RAB18: variants seen among roughly 807,000 people sequenced by gnomAD.
The protein encoded by RAB18 is ras-related protein Rab-18.
RAB18 carries 10 observed loss-of-function variants against 28.5 expected under a neutral mutation model. That is an observed-to-expected ratio of 0.35 (90% CI 0.22 to 0.60). The LOEUF is 0.60. Ranked by LOEUF, RAB18 falls within the 20% of genes least tolerant of loss-of-function variation. RAB18 has a pLI of 0.78. For missense variants in RAB18, 188 were observed against 244.2 expected, an observed-to-expected ratio of 0.77 and a Z score of 1.53; for synonymous variants, 93 against 86.9, an observed-to-expected ratio of 1.07 and a Z score of -0.39.
chr10:27,520,934 A>G (rs956243026), intron 2 of RAB18, among the ~76,000 whole-genome samples: 1 of 150,382 alleles, frequency 6.6e-6, no homozygotes, highest in Non-Finnish European at 1.5e-5. Context: ...AAAAAAAAAA[A>G]AAAAAAAGAA....
chr10:27,525,314 G>C (rs1191236963), intron 2 of RAB18, among the ~76,000 whole-genome samples: 2 of 152,122 alleles, frequency 1.3e-5, no homozygotes, highest in African/African-American at 4.8e-5. Flanking sequence ...TAACTGTAGA[G>C]TGTGCATGAC....
chr10:27,540,906 G>T lies in RAB18; in HGVS notation c.*2855G>T, dbSNP rs1186237929. ...GGGGCTAGCACCATAGCTCATAAAA[G>T]AATCCTTCTTACACCAGTACTTGTT... is the stretch of plus-strand genomic sequence containing the variant. On this transcript the variant is annotated 3_prime_UTR_variant, in exon 7 of 7. Coordinates refer to ENST00000356940, the MANE Select transcript of RAB18 (RefSeq NM_021252.5). 5 of 453,964 alleles carry T rather than the reference G, an allele frequency of 1.1e-5. No homozygotes were observed. Among genetic ancestry groups the T allele is most frequent in the African/African-American group, 1.0e-4 (5 of 50,010 alleles). The allele number at this position is 453,964 out of a possible 1,614,324, so 28.1% of individuals were successfully genotyped here.
At chr10:27,521,790 C>T (rs1834559175) in intron 2 of RAB18, among the ~76,000 whole-genome samples, 1 of 151,834 alleles carries the variant, frequency 6.6e-6, no homozygotes, top group South Asian at 2.1e-4. Context: ...TCGGAAATTA[C>T]CCTAAAGAAC....
chr10:27,505,208 G>T (rs1332595469), intron 1 of RAB18: 1 of 514,434 alleles, frequency 1.9e-6, no homozygotes, highest in South Asian at 1.4e-5. Context: ...ATGGATCTAG[G>T]TGGATGTTGC....
intron 2 of RAB18, among the ~76,000 whole-genome samples, chr10:27,523,271 T>C (rs1834601125): frequency 2.0e-5 from 1 of 49,824 alleles, no homozygotes; most frequent in African/African-American, 5.5e-5. Flanking sequence ...TCTTCTTTTT[T>C]TTTTTTTTTT....
At chr10:27,511,000 A>G (rs1002379095) in intron 2 of RAB18, among the ~76,000 whole-genome samples, 2 of 152,204 alleles carry the variant, frequency 1.3e-5, no homozygotes, top group Admixed American at 1.3e-4. Context: ...ATGAGAGTAG[A>G]TTGTAGACAT....
At chr10:27,511,427 A>C (rs1834320389) in intron 2 of RAB18, among the ~76,000 whole-genome samples, 1 of 151,808 alleles carries the variant, frequency 6.6e-6, no homozygotes, top group African/African-American at 2.4e-5. Flanking sequence ...GCTGGTCTTG[A>C]GCTCCTGACC....
chr10:27,538,467 A>G lies in RAB18; in HGVS notation c.*416A>G, dbSNP rs1247318338. ...ACGGGGAAGAATAGAGGTATCATCAAACGTGGCAAATTTTCTTTCAGGAAT... is the reference window on the plus strand; with the variant it reads ...ACGGGGAAGAATAGAGGTATCATCAGACGTGGCAAATTTTCTTTCAGGAAT... On this transcript the variant is annotated 3_prime_UTR_variant, in exon 7 of 7. Coordinates refer to ENST00000356940, the MANE Select transcript of RAB18 (RefSeq NM_021252.5). 4.4e-6 allele frequency: 2 copies of G among 454,862 alleles called. No homozygotes were observed. The highest frequency in any genetic ancestry group is 2.0e-5 in the African/African-American group (1 of 50,016). 28.2% of individuals were successfully genotyped at this position (454,862 alleles called of 1,614,324 possible). A position where few individuals can be genotyped will look rare whatever the true frequency, so the allele number is the denominator to read the frequency against.
In RAB18 at chr10:27,540,016, T is replaced by G. The variant is rs1204112046; in HGVS notation, c.*1965T>G. The G allele has an allele frequency of 2.2e-6, 1 of 454,000 alleles. No individual in the cohort carries two copies. The highest frequency in any genetic ancestry group is 2.3e-5 in the Admixed American group (1 of 42,564). 28.1% of individuals were successfully genotyped at this position (454,000 alleles called of 1,614,324 possible). A position where few individuals can be genotyped will look rare whatever the true frequency, so the allele number is the denominator to read the frequency against. On this transcript the variant is annotated 3_prime_UTR_variant, in exon 7 of 7. Coordinates refer to ENST00000356940, the MANE Select transcript of RAB18 (RefSeq NM_021252.5). ...AAGGTCAGGCACCTAGTAACAGGGT[T>G]TTGTTAATTCTTTTCAGAATCATTG... is the stretch of plus-strand genomic sequence containing the variant.
Position 27,535,583 on chromosome 10 carries a change from C to G in RAB18, c.445+1589C>G, listed in dbSNP as rs537535230. Among the ~76,000 whole-genome samples, 4 of 152,228 alleles carry G rather than the reference C, an allele frequency of 2.6e-5. No homozygotes were observed. In the South Asian group the frequency reaches 8.3e-4, roughly 32 times the overall value. On this transcript the variant is annotated intron_variant, in intron 6 of 6. Transcript: ENST00000356940. ...GAAAGTAGGGAAGCAGCGGTGTGAC[C>G]TGATACTCTAAAAAGATCCTGTTGT...
chr10:27,523,789 T>C (rs2132393342), intron 2 of RAB18, among the ~76,000 whole-genome samples: 1 of 152,094 alleles, frequency 6.6e-6, no homozygotes, highest in African/African-American at 2.4e-5. Flanking sequence ...ATTTTAAAAG[T>C]TTATTTTTGG....
At chr10:27,537,814 A>G in intron 6 of RAB18, 62 bp from the exon 7 acceptor site, 1 of 1,454,940 alleles carries the variant, frequency 6.9e-7, no homozygotes, top group Non-Finnish European at 9.6e-7. Context: ...GTTTCCCAGA[A>G]AAACATGAGA....
intron 6 of RAB18, among the ~76,000 whole-genome samples, chr10:27,537,066 C>T (rs530710720): frequency 4.3e-4 from 66 of 152,184 alleles, no homozygotes; most frequent in African/African-American, 1.5e-3. Context: ...TTTGGTCCTT[C>T]GGTGAATGAG....
chr10:27,535,245 A>G (rs1292845446), intron 6 of RAB18, among the ~76,000 whole-genome samples: 1 of 151,064 alleles, frequency 6.6e-6, no homozygotes, highest in Non-Finnish European at 1.5e-5. Context: ...TCCTTAAAAC[A>G]TTATGAGATT....
At chr10:27,528,533 T>A (rs911596703) in intron 3 of RAB18, among the ~76,000 whole-genome samples, 7 of 152,138 alleles carry the variant, frequency 4.6e-5, no homozygotes, top group Non-Finnish European at 8.8e-5. Context: ...CTTACATTTT[T>A]AAACCTGTTT....
chr10:27,513,147 G>T (rs984190547), intron 2 of RAB18, among the ~76,000 whole-genome samples: 22 of 151,474 alleles, frequency 1.5e-4, no homozygotes, highest in Non-Finnish European at 2.1e-4. Flanking sequence ...TGATTCTTCT[G>T]CCTCAGCCTC....
rs1170196568 is a variant in RAB18 at position 27,541,351 on chromosome 10, T to G, written c.*3300T>G. ...ATATAGAATCACCCAGGTCTTTTTT[T>G]TTTTTTTTAATTTTTCTCTCCTCAG... On this transcript the variant is annotated 3_prime_UTR_variant, in exon 7 of 7. Coordinates refer to ENST00000356940, the MANE Select transcript of RAB18 (RefSeq NM_021252.5). 4.5e-6 allele frequency: 2 copies of G among 443,960 alleles called. No individual in the cohort carries two copies. Among genetic ancestry groups the G allele is most frequent in the African/African-American group, 2.0e-5 (1 of 49,004 alleles). 27.5% of individuals were successfully genotyped at this position (443,960 alleles called of 1,614,324 possible).
Position 27,504,311 on chromosome 10 carries a change from TGAA to T in RAB18, c.-57_-55del. The stretch of plus-strand genomic sequence containing the variant: ...GCGCATGCGCAGCAGCTCACTCTGC[TGAA>T]GGGCTGAGAGGCGCACCCGGGCGGC... On this transcript the variant is annotated 5_prime_UTR_variant, in exon 1 of 7. Coordinates refer to ENST00000356940, the MANE Select transcript of RAB18 (RefSeq NM_021252.5). 6.6e-7 allele frequency: 1 copy of T among 1,519,134 alleles called. No homozygotes were observed. Among genetic ancestry groups the T allele is most frequent in the Non-Finnish European group, 8.9e-7 (1 of 1,121,346 alleles). The allele number at this position is 1,519,134 out of a possible 1,614,324, so 94.1% of individuals were successfully genotyped here. A position where few individuals can be genotyped will look rare whatever the true frequency, so the allele number is the denominator to read the frequency against.
chr10:27,507,835 C>T (rs1237683078), intron 1 of RAB18, among the ~76,000 whole-genome samples: 2 of 151,314 alleles, frequency 1.3e-5, no homozygotes, highest in Non-Finnish European at 2.9e-5. Context: ...GCCAGGAGTC[C>T]GAGACCAGCT....
Sources: gnomAD v4.1 joint callset for allele counts (sites outside exome capture counted in the v4.1 genomes callset) on GRCh38, gnomAD v4.1.1 for gene constraint, MANE v1.5 for transcripts, NCBI Gene and HGNC (gene_info 2026-07-23, HGNC 2026-07-21) for gene names.